The following UPP2 variants were observed in gnomAD, a reference collection of about 807,000 sequenced individuals.
UPP2 encodes uridine phosphorylase 2.
A neutral mutation model predicts 26.7 loss-of-function variants in UPP2; 23 were observed. The observed-to-expected ratio is 0.86, with a 90% CI of 0.62 to 1.22. The LOEUF (loss-of-function observed/expected upper bound fraction) is 1.22. UPP2 is among the 50% of genes most tolerant of loss of function. The pLI is 0.00. For synonymous variants in UPP2, 127 were observed against 141.3 expected (o/e 0.90, Z 0.72); for missense variants, 387 against 396.7 (o/e 0.98, Z 0.21).
chr2:158,028,682 A>G (rs1326284402), intron 3 of UPP2, among the ~76,000 whole-genome samples: 2 of 152,158 alleles, frequency 1.3e-5, no homozygotes, highest in African/African-American at 2.4e-5. Context: ...CATGCTGCTG[A>G]TAAAGACATA....
intron 3 of UPP2, among the ~76,000 whole-genome samples, chr2:158,062,970 C>T (rs1320304195): frequency 7.9e-5 from 12 of 152,194 alleles, no homozygotes; most frequent in Non-Finnish European, 1.3e-4. Flanking sequence ...AGGAAGTACC[C>T]AATCTGCTCC....
chr2:158,134,822 G>A lies in UPP2; in HGVS notation c.886G>A (p.Glu296Lys). 6.2e-7 allele frequency: 1 copy of A among 1,613,648 alleles called. No individual in the cohort carries two copies. Among genetic ancestry groups the A allele is most frequent in the Non-Finnish European group, 8.5e-7 (1 of 1,179,752 alleles). ...QINLPHDVLV[E>K]YQQRPQLLIS... ...CAACTTGCCTCATGATGTCCTGGTG[G>A]AGTACCAGCAACGGCCTCAGCTCCT... Residue 296 changes from glutamate to lysine, a missense_variant, in exon 7 of 7, where the codon GAG becomes AAG. By Grantham distance (56) the Glu-to-Lys change is moderately conservative (BLOSUM62 1). Transcript: ENST00000005756.
intron 3 of UPP2, among the ~76,000 whole-genome samples, chr2:158,029,151 G>C (rs1305622451): frequency 6.6e-6 from 1 of 152,180 alleles, no homozygotes; most frequent in Admixed American, 6.5e-5. Context: ...CAATGGTAAA[G>C]TAAGTTAATA....
intron 1 of UPP2, 84 bp downstream of exon 1, chr2:158,102,209 C>T: frequency 2.8e-6 from 4 of 1,449,524 alleles, no homozygotes; most frequent in Non-Finnish European, 3.7e-6. Context: ...TAATGGGCCT[C>T]TACAGTTAAG....
chr2:158,007,914 C>T (rs996427704), intron 2 of UPP2, among the ~76,000 whole-genome samples: 1 of 152,128 alleles, frequency 6.6e-6, no homozygotes, highest in Non-Finnish European at 1.5e-5. Flanking sequence ...AGTGAGTCAC[C>T]GTGCCTGGCT....
intron 6 of UPP2, among the ~76,000 whole-genome samples, chr2:158,127,793 A>G (rs1558941786): frequency 1.3e-5 from 2 of 152,222 alleles, no homozygotes; most frequent in Non-Finnish European, 2.9e-5. Flanking sequence ...TGGGAATCCA[A>G]TGCTGTTTTA....
chr2:158,059,109 T>G (rs769542585), intron 3 of UPP2, among the ~76,000 whole-genome samples: 42 of 152,326 alleles, frequency 2.8e-4, no homozygotes, highest in Non-Finnish European at 2.8e-4. Flanking sequence ...AAGAAGTGAT[T>G]AAAGATATCC....
At chr2:158,089,666 A>C (rs1682875509) in intron 3 of UPP2, among the ~76,000 whole-genome samples, 1 of 152,230 alleles carries the variant, frequency 6.6e-6, no homozygotes, top group South Asian at 2.1e-4. Flanking sequence ...GAAAGTGCCC[A>C]CAGGGCTCTT....
chr2:158,049,451 G>A (rs1175932967), intron 3 of UPP2, among the ~76,000 whole-genome samples: 2 of 152,182 alleles, frequency 1.3e-5, no homozygotes, highest in African/African-American at 4.8e-5. Flanking sequence ...ATCAGGTTTT[G>A]TTAAATGTTC....
chr2:158,044,807 CGG>C (rs1684129480), intron 3 of UPP2, among the ~76,000 whole-genome samples: 1 of 152,272 alleles, frequency 6.6e-6, no homozygotes, highest in East Asian at 1.9e-4. Flanking sequence ...GTAACCTAAA[CGG>C]CTCTAGTAAG....
At chr2:158,048,378 G>C (rs1682083613) in intron 3 of UPP2, among the ~76,000 whole-genome samples, 1 of 152,188 alleles carries the variant, frequency 6.6e-6, no homozygotes, top group Admixed American at 6.5e-5. Context: ...GGTCAAGGTG[G>C]GAGGATCACT....
intron 4 of UPP2, among the ~76,000 whole-genome samples, chr2:158,120,023 T>A (rs537538042): frequency 0.012 from 1,730 of 145,646 alleles, 48 homozygotes; most frequent in African/African-American, 0.04. Flanking sequence ...AAAAAAAAAA[T>A]AAAAATAAAA....
At chr2:158,026,901 A>G (rs962499342) in intron 3 of UPP2, among the ~76,000 whole-genome samples, 10 of 152,152 alleles carry the variant, frequency 6.6e-5, no homozygotes, top group African/African-American at 2.4e-4. Context: ...AGGAAGATGC[A>G]AAAGCGGAAA....
chr2:158,004,416 A>C (rs539216782), intron 2 of UPP2, among the ~76,000 whole-genome samples: 22 of 152,106 alleles, frequency 1.4e-4, no homozygotes, highest in Non-Finnish European at 3.1e-4. Context: ...CCAACACCTA[A>C]TCTATGGAAA....
At chr2:158,070,754 A>G (rs992656795) in intron 3 of UPP2, among the ~76,000 whole-genome samples, 1 of 152,238 alleles carries the variant, frequency 6.6e-6, no homozygotes, top group Admixed American at 6.5e-5. Flanking sequence ...ACTTTATATC[A>G]TTGAAAGAGG....
At chr2:158,130,720 T>C (rs1683801170) in intron 6 of UPP2, among the ~76,000 whole-genome samples, 2 of 152,202 alleles carry the variant, frequency 1.3e-5, no homozygotes, top group African/African-American at 4.8e-5. Context: ...TAATGATGAT[T>C]CAAAGATAGA....
intron 3 of UPP2, among the ~76,000 whole-genome samples, chr2:158,068,659 A>C (rs914280605): frequency 6.6e-6 from 1 of 150,410 alleles, no homozygotes; most frequent in Non-Finnish European, 1.5e-5. Context: ...GTGTGGGCCC[A>C]GCATATATTT....
chr2:158,020,594 A>G (rs1221161279), intron 3 of UPP2, among the ~76,000 whole-genome samples: 1 of 152,206 alleles, frequency 6.6e-6, no homozygotes, highest in Non-Finnish European at 1.5e-5. Context: ...CAGATGCAAC[A>G]TGGAATGACA....
intron 3 of UPP2, among the ~76,000 whole-genome samples, chr2:158,091,562 A>C (rs41472346): frequency 0.015 from 2,225 of 152,352 alleles, 61 homozygotes; most frequent in African/African-American, 0.05. Flanking sequence ...TGTTGCCACA[A>C]TAATGCTATT....
Sources: allele counts gnomAD v4.1 joint callset (sites outside exome capture counted in the v4.1 genomes callset), GRCh38; gene constraint gnomAD v4.1.1; transcripts MANE v1.5; gene names NCBI Gene and HGNC (gene_info 2026-07-23, HGNC 2026-07-21).